Variants in ZMPSTE24 observed in about 807,000 individuals in gnomAD.
The protein encoded by ZMPSTE24 is zinc metallopeptidase STE24, also known as CAAX prenyl protease 1 homolog.
A neutral mutation model predicts 56.7 loss-of-function variants in ZMPSTE24; 48 were observed. The observed-to-expected ratio is 0.85, with a 90% CI of 0.67 to 1.08. The LOEUF (loss-of-function observed/expected upper bound fraction) is 1.08, where lower values mean the gene tolerates loss of function less well. Ranked by LOEUF, ZMPSTE24 falls within the 50% of genes least tolerant of loss-of-function variation. The probability of loss-of-function intolerance (pLI) is 0.00; values close to 1 mark genes in which losing one functional copy is unlikely to be tolerated. For synonymous variants in ZMPSTE24, 172 were observed against 195.2 expected, an observed-to-expected ratio of 0.88 and a Z score of 0.99; for missense variants, 503 against 548.7, an observed-to-expected ratio of 0.92 and a Z score of 0.83.
Position 40,269,137 on chromosome 1 carries a change from C to T in ZMPSTE24, c.474+602C>T, listed in dbSNP as rs377476536. ...CTTGACTGGGTACAGTGGCTCACGC[C>T]TGTAATCCCAACACTTTGGGAGGCT... On this transcript the variant is annotated intron_variant, in intron 4 of 9. Coordinates refer to ENST00000372759, the MANE Select transcript of ZMPSTE24 (RefSeq NM_005857.5). Among the ~76,000 whole-genome samples the T allele has an allele frequency of 7.9e-5, 12 of 151,576 alleles. 1 individual carries two copies. Among genetic ancestry groups the T allele is most frequent in the East Asian group, 3.9e-4 (2 of 5,142 alleles).
At position 40,275,265 on chromosome 1, in the gene ZMPSTE24, C is replaced by CAAA. The variant is rs869166476; in HGVS notation, c.769+3250_769+3252dup. 8.8e-4 allele frequency among the ~76,000 whole-genome samples: 34 copies of CAAA among 38,606 alleles called. 1 individual carries two copies. Among genetic ancestry groups the CAAA allele is most frequent in the African/African-American group, 1.7e-3 (18 of 10,562 alleles). The allele number at this position is 38,606 out of a possible 152,430, so 25.3% of individuals were successfully genotyped here. Reference sequence around the variant, plus strand: ...TGAAACCCTGTCTCTACTAAAAATACAAAAAAAAAAAAAAAAAAAAAAGCC... The same window carrying CAAA: ...TGAAACCCTGTCTCTACTAAAAATACAAAAAAAAAAAAAAAAAAAAAAAAAGCC... On this transcript the variant is annotated intron_variant, in intron 6 of 9. Transcript: ENST00000372759.
intron 9 of ZMPSTE24, 112 bp from the exon 10 acceptor site, chr1:40,292,333 C>T: frequency 4.1e-6 from 4 of 964,250 alleles, no homozygotes; most frequent in Middle Eastern, 3.3e-4. Flanking sequence ...TTTCTTTTGT[C>T]CTGCCATTCC....
chr1:40,275,635 C>G (rs1003901261), intron 6 of ZMPSTE24, among the ~76,000 whole-genome samples: 9 of 151,560 alleles, frequency 5.9e-5, no homozygotes, highest in Admixed American at 6.6e-5. Flanking sequence ...ACCTGTAGTT[C>G]CAGCTACTGG....
intron 2 of ZMPSTE24, 79 bp from the exon 3 acceptor site, chr1:40,267,707 T>C (rs1643569578): frequency 8.6e-7 from 1 of 1,162,736 alleles, no homozygotes; most frequent in Non-Finnish European, 1.3e-6. Flanking sequence ...TTTTGTCCTT[T>C]CTTTCTTTAT....
rs3075102 is a variant in ZMPSTE24, at chr1:40,266,761, GT to G, written c.271-999del. Among the ~76,000 whole-genome samples the G allele has an allele frequency of 8.7e-3, 769 of 88,056 alleles. 1 individual carries two copies. Among genetic ancestry groups the G allele is most frequent in the African/African-American group, 0.03 (638 of 20,956 alleles). The allele number at this position is 88,056 out of a possible 152,430, so 57.8% of individuals were successfully genotyped here. A position where few individuals can be genotyped will look rare whatever the true frequency, so the allele number is the denominator to read the frequency against. ...TCATTAGCTGTTGGATTTCGAACAAGTTTTTTTTTTTTTTTTTTTTTTTTTT... is the reference window on the plus strand; with the variant it reads ...TCATTAGCTGTTGGATTTCGAACAAGTTTTTTTTTTTTTTTTTTTTTTTTT... On this transcript the variant is annotated intron_variant, in intron 2 of 9. Transcript: ENST00000372759.
chr1:40,265,503 G>A (rs765955101), intron 2 of ZMPSTE24, among the ~76,000 whole-genome samples: 1 of 152,008 alleles, frequency 6.6e-6, no homozygotes, highest in East Asian at 1.9e-4. Flanking sequence ...ACTGCTTGAG[G>A]CCAGCCTGGG....
intron 9 of ZMPSTE24, among the ~76,000 whole-genome samples, chr1:40,291,802 A>C (rs368735468): frequency 6.6e-6 from 1 of 151,920 alleles, no homozygotes; most frequent in East Asian, 1.9e-4. Context: ...AACAAAAATA[A>C]ATTTGGCAGA....
At chr1:40,258,714 C>G (rs1643464544) in intron 1 of ZMPSTE24, among the ~76,000 whole-genome samples, 1 of 152,172 alleles carries the variant, frequency 6.6e-6, no homozygotes, top group African/African-American at 2.4e-5. Flanking sequence ...TGGAATAAGC[C>G]TTTAAAAGGA....
chr1:40,291,098 A>T, intron 9 of ZMPSTE24, 101 bp downstream of exon 9: 2 of 1,463,924 alleles, frequency 1.4e-6, no homozygotes, highest in Non-Finnish European at 1.9e-6. Flanking sequence ...TACAGTTTTA[A>T]CAAATAGATG....
intron 2 of ZMPSTE24, among the ~76,000 whole-genome samples, chr1:40,265,137 A>G (rs1187422314): frequency 6.6e-6 from 1 of 152,164 alleles, no homozygotes; most frequent in Non-Finnish European, 1.5e-5. Context: ...TTCAGAATTC[A>G]TATTAAAACT....
chr1:40,292,318 T>G, intron 9 of ZMPSTE24, 127 bp from the exon 10 acceptor site: 5 of 854,016 alleles, frequency 5.9e-6, no homozygotes, highest in South Asian at 1.5e-5. Flanking sequence ...TAAATATTAG[T>G]GATCTTTCTT....
intron 8 of ZMPSTE24, among the ~76,000 whole-genome samples, chr1:40,287,126 G>C (rs1643796329): frequency 6.6e-6 from 1 of 151,142 alleles, no homozygotes; most frequent in Non-Finnish European, 1.5e-5. Flanking sequence ...GAATGCAGTG[G>C]CGTGATCTCA....
At chr1:40,261,489 A>G (rs1022773439) in intron 2 of ZMPSTE24, among the ~76,000 whole-genome samples, 22 of 151,962 alleles carry the variant, frequency 1.4e-4, no homozygotes, top group Non-Finnish European at 3.2e-4. Flanking sequence ...AGTTGGGACT[A>G]CAGTTGCATG....
chr1:40,271,625 T>C (rs763421211), intron 5 of ZMPSTE24, among the ~76,000 whole-genome samples: 2 of 152,210 alleles, frequency 1.3e-5, no homozygotes, highest in Admixed American at 6.5e-5. Context: ...CACCTAGAGA[T>C]TTTAATCACT....
chr1:40,274,085 T>C, intron 6 of ZMPSTE24, among the ~76,000 whole-genome samples: 1 of 152,068 alleles, frequency 6.6e-6, no homozygotes, highest in East Asian at 1.9e-4. Context: ...GGCTTGGGTT[T>C]GAATCATAGC....
chr1:40,293,608 A>G lies in ZMPSTE24; in HGVS notation c.*939A>G, dbSNP rs1337948683. ...TCTGTGACATTACAGGGAAAAAAAT[A>G]TAGTTTTCTATCTCTTTCAAGGGCA... On this transcript the variant is annotated 3_prime_UTR_variant, in exon 10 of 10. Transcript: ENST00000372759. 6.6e-6 allele frequency: 1 copy of G among 152,240 alleles called. No homozygotes were observed. Among genetic ancestry groups the G allele is most frequent in the Non-Finnish European group, 1.5e-5 (1 of 68,046 alleles). The allele number at this position is 152,240 out of a possible 1,614,324, so 9.4% of individuals were successfully genotyped here. A position where few individuals can be genotyped will look rare whatever the true frequency, so the allele number is the denominator to read the frequency against.
chr1:40,261,717 G>A (rs755953902), intron 2 of ZMPSTE24, among the ~76,000 whole-genome samples: 8 of 151,450 alleles, frequency 5.3e-5, no homozygotes, highest in Non-Finnish European at 1.2e-4. Flanking sequence ...GTTTTGTTTT[G>A]TTTTTGTTTT....
At chr1:40,287,538 G>A (rs1232605253) in intron 8 of ZMPSTE24, among the ~76,000 whole-genome samples, 5 of 151,836 alleles carry the variant, frequency 3.3e-5, no homozygotes, top group Non-Finnish European at 4.4e-5. Flanking sequence ...TTAGCCAGGC[G>A]TGGTGGCACG....
At chr1:40,276,192 A>G (rs1643669072) in intron 6 of ZMPSTE24, among the ~76,000 whole-genome samples, 1 of 152,210 alleles carries the variant, frequency 6.6e-6, no homozygotes, top group Non-Finnish European at 1.5e-5. Flanking sequence ...ACAAACAACA[A>G]ATAAGTCTAT....
Sources: allele counts gnomAD v4.1 joint callset (sites outside exome capture counted in the v4.1 genomes callset), GRCh38; gene constraint gnomAD v4.1.1; transcripts MANE v1.5; gene names NCBI Gene and HGNC (gene_info 2026-07-23, HGNC 2026-07-21).